PRKCH: variants seen among roughly 807,000 people sequenced by gnomAD.
PRKCH encodes the protein protein kinase C eta, also known as protein kinase C eta type.
PRKCH carries 28 observed loss-of-function variants against 82.5 expected under a neutral mutation model. That is an observed-to-expected ratio of 0.34 (90% CI 0.25 to 0.47). PRKCH has a LOEUF of 0.47. Ranked by LOEUF, PRKCH falls within the 20% of genes least tolerant of loss-of-function variation. The pLI, the probability that PRKCH is intolerant of heterozygous loss-of-function variation, is 1.00. For synonymous variants in PRKCH, 322 were observed against 327.4 expected, an observed-to-expected ratio of 0.98 and a Z score of 0.18; for missense variants, 705 against 881.8, an observed-to-expected ratio of 0.80 and a Z score of 2.54.
intron 12 of PRKCH, 97 bp downstream of exon 12, chr14:61,530,692 C>T: frequency 9.1e-7 from 1 of 1,097,278 alleles, no homozygotes; most frequent in South Asian, 1.9e-5. Context: ...CAGTAAACCA[C>T]TAGCTCTAAC....
chr14:61,328,156 A>G (rs901929656), intron 1 of PRKCH, among the ~76,000 whole-genome samples: 3 of 149,510 alleles, frequency 2.0e-5, no homozygotes, highest in Admixed American at 6.7e-5. Flanking sequence ...AGGCTGAGGC[A>G]GGAGAATGGC....
At chr14:61,462,015 A>C (rs1487151424) in intron 9 of PRKCH, among the ~76,000 whole-genome samples, 28 of 152,216 alleles carry the variant, frequency 1.8e-4, no homozygotes, top group Admixed American at 1.8e-3. Flanking sequence ...ATTGCGGTTT[A>C]AGATGTGTGT....
chr14:61,372,694 C>A (rs1481106734), intron 1 of PRKCH, among the ~76,000 whole-genome samples: 1 of 152,054 alleles, frequency 6.6e-6, no homozygotes, highest in African/African-American at 2.4e-5. Flanking sequence ...TCCCTCACTT[C>A]TTTCAGTGAG....
chr14:61,487,925 G>A (rs189981073), intron 10 of PRKCH, among the ~76,000 whole-genome samples: 50 of 152,122 alleles, frequency 3.3e-4, no homozygotes, highest in African/African-American at 9.9e-4. Flanking sequence ...AGGCCGAGGC[G>A]GGCGGATCAC....
intron 2 of PRKCH, among the ~76,000 whole-genome samples, chr14:61,393,194 T>C (rs1171651827): frequency 6.6e-6 from 1 of 152,236 alleles, no homozygotes; most frequent in Non-Finnish European, 1.5e-5. Context: ...TTACATAGTA[T>C]GAGCCCTCCA....
intron 1 of PRKCH, among the ~76,000 whole-genome samples, chr14:61,218,636 TAAAA>T (rs770617396): frequency 6.6e-6 from 1 of 151,352 alleles, no homozygotes; most frequent in African/African-American, 2.4e-5. Context: ...TTTGGCAGCT[TAAAA>T]AAAAAGTCTT....
intron 1 of PRKCH, among the ~76,000 whole-genome samples, chr14:61,302,382 T>TG (rs2045454779): frequency 6.6e-6 from 1 of 152,108 alleles, no homozygotes; most frequent in Non-Finnish European, 1.5e-5. Flanking sequence ...GGGTCCGGGT[T>TG]GGGGGAAAGT....
At chr14:61,534,101 G>A (rs1433287904) in intron 12 of PRKCH, among the ~76,000 whole-genome samples, 1 of 152,192 alleles carries the variant, frequency 6.6e-6, no homozygotes, top group East Asian at 1.9e-4. Flanking sequence ...ATCAATTGGG[G>A]CCTTTGTGCA....
chr14:61,293,416 C>T (rs2045380117), intron 1 of PRKCH, among the ~76,000 whole-genome samples: 1 of 152,190 alleles, frequency 6.6e-6, no homozygotes, highest in South Asian at 2.1e-4. Context: ...AAGGGACTTC[C>T]CATTGTCCCC....
intron 10 of PRKCH, among the ~76,000 whole-genome samples, chr14:61,513,159 A>G (rs1253023711): frequency 2.6e-5 from 4 of 152,184 alleles, no homozygotes; most frequent in Non-Finnish European, 5.9e-5. Context: ...TCAGTTCCTT[A>G]GCATCCACCA....
intron 10 of PRKCH, among the ~76,000 whole-genome samples, chr14:61,510,404 A>T (rs1887325316): frequency 6.6e-6 from 1 of 151,860 alleles, no homozygotes; most frequent in Non-Finnish European, 1.5e-5. Flanking sequence ...CAAGCCAGTA[A>T]TGGTGGGAAG....
chr14:61,415,525 CA>C (rs1190858748), intron 2 of PRKCH, among the ~76,000 whole-genome samples: 1 of 152,190 alleles, frequency 6.6e-6, no homozygotes, highest in Non-Finnish European at 1.5e-5. Flanking sequence ...TGAGGACTGT[CA>C]TTTGGGGATT....
intron 10 of PRKCH, among the ~76,000 whole-genome samples, chr14:61,514,058 A>T (rs1179613327): frequency 6.6e-6 from 1 of 152,006 alleles, no homozygotes; most frequent in Non-Finnish European, 1.5e-5. Flanking sequence ...ACCAGATAGC[A>T]CCAGCATTCC....
intron 1 of PRKCH, among the ~76,000 whole-genome samples, chr14:61,374,220 C>T (rs1157373308): frequency 1.3e-5 from 2 of 152,126 alleles, no homozygotes; most frequent in South Asian, 2.1e-4. Flanking sequence ...GGGTGGGCTC[C>T]GAATGTCTTG....
chr14:61,264,941 T>C (rs2045084271), intron 1 of PRKCH, among the ~76,000 whole-genome samples: 1 of 152,114 alleles, frequency 6.6e-6, no homozygotes, highest in Non-Finnish European at 1.5e-5. Flanking sequence ...AATGGTGTGT[T>C]GGGCTGGGAT....
At chr14:61,508,499 G>T (rs904473723) in intron 10 of PRKCH, among the ~76,000 whole-genome samples, 3 of 152,156 alleles carry the variant, frequency 2.0e-5, no homozygotes, top group Non-Finnish European at 4.4e-5. Flanking sequence ...AAACAAGACA[G>T]AGTCCTGATA....
At chr14:61,295,148 G>C (rs958576488) in intron 1 of PRKCH, among the ~76,000 whole-genome samples, 2 of 152,154 alleles carry the variant, frequency 1.3e-5, no homozygotes, top group Non-Finnish European at 2.9e-5. Context: ...TTACAGCCAT[G>C]AGCCACCACG....
At chr14:61,279,213 A>C (rs544809774) in intron 1 of PRKCH, 1 of 152,204 alleles carries the variant, frequency 6.6e-6, no homozygotes, top group Non-Finnish European at 1.5e-5. Flanking sequence ...TAAAATATCA[A>C]ATGAATCACA....
intron 1 of PRKCH, among the ~76,000 whole-genome samples, chr14:61,308,985 C>A (rs1159875477): frequency 2.0e-5 from 3 of 151,262 alleles, no homozygotes; most frequent in Non-Finnish European, 4.4e-5. Context: ...AAGAATATGT[C>A]AAAAATTCTA....
Sources: gnomAD v4.1 joint callset for allele counts (sites outside exome capture counted in the v4.1 genomes callset) on GRCh38, gnomAD v4.1.1 for gene constraint, MANE v1.5 for transcripts, NCBI Gene and HGNC (gene_info 2026-07-23, HGNC 2026-07-21) for gene names.